Variants in GRID1 observed in about 807,000 individuals in gnomAD.
GRID1 encodes glutamate receptor ionotropic, delta-1.
GRID1 carries 28 observed loss-of-function variants against 98.0 expected under a neutral mutation model. That is an observed-to-expected ratio of 0.29 (90% CI 0.21 to 0.39). GRID1 has a LOEUF of 0.39. Ranked by LOEUF, GRID1 falls within the 10% of genes least tolerant of loss-of-function variation. The pLI is 1.00. For synonymous variants in GRID1, 553 were observed against 538.5 expected (o/e 1.03, Z -0.37); for missense variants, 1,111 against 1,340.5 (o/e 0.83, Z 2.67).
chr10:85,683,653 T>C (rs1383159549), intron 12 of GRID1, among the ~76,000 whole-genome samples: 1 of 152,218 alleles, frequency 6.6e-6, no homozygotes, highest in Non-Finnish European at 1.5e-5. Context: ...ATTGAAGAAC[T>C]CTGGTAAAAT....
chr10:86,341,190 T>C (rs1848304929), intron 2 of GRID1, among the ~76,000 whole-genome samples: 2 of 152,204 alleles, frequency 1.3e-5, no homozygotes, highest in African/African-American at 4.8e-5. Flanking sequence ...CTCCAGGGAC[T>C]GTCCCTGATC....
At chr10:85,788,283 G>C (rs934068037) in intron 8 of GRID1, among the ~76,000 whole-genome samples, 1 of 152,122 alleles carries the variant, frequency 6.6e-6, no homozygotes, top group Admixed American at 6.5e-5. Flanking sequence ...GGGAGGCGCA[G>C]TGAGCCTGGC....
In GRID1 at chr10:86,171,521, G is replaced by A. The variant is rs189521254; in HGVS notation, c.521-32497C>T. Among the ~76,000 whole-genome samples, 437 of 152,348 alleles carry A rather than the reference G, an allele frequency of 2.9e-3. 1 individual carries two copies. Among genetic ancestry groups the A allele is most frequent in the African/African-American group, 9.9e-3 (410 of 41,578 alleles). On this transcript the variant is annotated intron_variant, in intron 3 of 15. Transcript: ENST00000327946. ...CTCTATTAACCGAGGTGGGGACCCAGAGGGTGAAGATGTCAGCAGGGCTCA... is the reference window on the plus strand; with the variant it reads ...CTCTATTAACCGAGGTGGGGACCCAAAGGGTGAAGATGTCAGCAGGGCTCA...
chr10:85,949,905 G>GGGATGGAT (rs35077466), intron 4 of GRID1, among the ~76,000 whole-genome samples: 6,141 of 149,824 alleles, frequency 0.041, 283 homozygotes, highest in African/African-American at 0.11. Context: ...GAGAACTATA[G>GGGATGGAT]GGATGGATGG....
intron 4 of GRID1, among the ~76,000 whole-genome samples, chr10:85,923,198 G>A (rs1352989193): frequency 1.3e-5 from 2 of 151,968 alleles, no homozygotes; most frequent in African/African-American, 4.8e-5. Context: ...GAAGTCCAAG[G>A]CCCCCACCCT....
At chr10:86,099,371 TAC>T (rs1038409263) in intron 4 of GRID1, among the ~76,000 whole-genome samples, 2 of 152,090 alleles carry the variant, frequency 1.3e-5, no homozygotes, top group African/African-American at 4.8e-5. Context: ...GCACTGGAAA[TAC>T]AGAGACCAGT....
rs925445678 is a variant in GRID1, at chr10:85,601,885, C to T, written c.*388G>A. On this transcript the variant is annotated 3_prime_UTR_variant, in exon 16 of 16. Transcript: ENST00000327946. ...AAGGCAGCGAGTGGCATGTGGGGTTCCTCGTCTTCCCTTCTCCCCCAGCAG... is the reference window on the plus strand; with the variant it reads ...AAGGCAGCGAGTGGCATGTGGGGTTTCTCGTCTTCCCTTCTCCCCCAGCAG... The T allele has an allele frequency of 5.6e-6, 1 of 179,854 alleles. No individual in the cohort carries two copies. The highest frequency in any genetic ancestry group is 2.4e-5 in the African/African-American group (1 of 42,510). 11.1% of individuals were successfully genotyped at this position (179,854 alleles called of 1,614,324 possible).
chr10:86,101,788 G>T lies in GRID1; in HGVS notation c.726+37031C>A, dbSNP rs143500594. On this transcript the variant is annotated intron_variant, in intron 4 of 15. Coordinates refer to ENST00000327946, the MANE Select transcript of GRID1 (RefSeq NM_017551.3). ...CTGAGTGGCTGGGACTACATGGCAT[G>T]CACTATGCCTGGCTTGGCTAATTTT... Among the ~76,000 whole-genome samples the T allele has an allele frequency of 2.4e-3, 360 of 152,152 alleles. 1 individual carries two copies. Among genetic ancestry groups the T allele is most frequent in the African/African-American group, 8.4e-3 (348 of 41,508 alleles).
At chr10:85,862,354 G>A (rs1399478028) in intron 6 of GRID1, among the ~76,000 whole-genome samples, 1 of 152,154 alleles carries the variant, frequency 6.6e-6, no homozygotes, top group African/African-American at 2.4e-5. Flanking sequence ...AGATGTCAAG[G>A]CATTTGCAAA....
intron 3 of GRID1, among the ~76,000 whole-genome samples, chr10:86,151,081 C>T (rs909932699): frequency 6.6e-6 from 1 of 152,152 alleles, no homozygotes; most frequent in Non-Finnish European, 1.5e-5. Flanking sequence ...CCATGACACC[C>T]TCATGTCTTG....
chr10:86,003,634 C>G (rs966928286), intron 4 of GRID1, among the ~76,000 whole-genome samples: 16 of 152,260 alleles, frequency 1.1e-4, no homozygotes, highest in African/African-American at 3.8e-4. Flanking sequence ...AGGAGGCTGC[C>G]ATCAGCAGAC....
At chr10:85,865,916 T>TATATATATATATAC (rs1843211199) in intron 6 of GRID1, among the ~76,000 whole-genome samples, 1 of 83,022 alleles carries the variant, frequency 1.2e-5, no homozygotes, top group East Asian at 3.4e-4. Context: ...TATATACATA[T>TATATATATATATAC]ATATATATAT....
At chr10:85,668,750 A>T (rs1841052117) in intron 12 of GRID1, among the ~76,000 whole-genome samples, 1 of 152,222 alleles carries the variant, frequency 6.6e-6, no homozygotes, top group Non-Finnish European at 1.5e-5. Context: ...TTAAAGGAAG[A>T]ATTTATCTCA....
intron 4 of GRID1, among the ~76,000 whole-genome samples, chr10:85,997,929 C>G (rs1413533177): frequency 6.6e-6 from 1 of 152,072 alleles, no homozygotes; most frequent in Non-Finnish European, 1.5e-5. Flanking sequence ...AAATTAACAT[C>G]AGACAAATGA....
intron 8 of GRID1, among the ~76,000 whole-genome samples, chr10:85,772,127 A>T (rs1340497985): frequency 3.9e-5 from 6 of 152,218 alleles, no homozygotes; most frequent in African/African-American, 1.4e-4. Flanking sequence ...ACTGTCTCTC[A>T]GACCACAGTG....
At chr10:85,631,922 T>C (rs963167944) in intron 13 of GRID1, among the ~76,000 whole-genome samples, 4 of 152,006 alleles carry the variant, frequency 2.6e-5, no homozygotes, top group Non-Finnish European at 4.4e-5. Context: ...TGTGGTCAAA[T>C]AGCCCATAAA....
intron 2 of GRID1, among the ~76,000 whole-genome samples, chr10:86,290,299 T>C (rs1847494392): frequency 6.6e-6 from 1 of 152,186 alleles, no homozygotes; most frequent in African/African-American, 2.4e-5. Flanking sequence ...AGTGCCTCAT[T>C]CTGGCTGAGA....
intron 2 of GRID1, among the ~76,000 whole-genome samples, chr10:86,246,647 C>T (rs537818240): frequency 2.5e-4 from 38 of 152,330 alleles, no homozygotes; most frequent in Middle Eastern, 3.4e-3. Context: ...CACCCTCCAC[C>T]GCCCAGAACC....
At chr10:86,086,010 C>T (rs1420282596) in intron 4 of GRID1, among the ~76,000 whole-genome samples, 1 of 152,124 alleles carries the variant, frequency 6.6e-6, no homozygotes, top group East Asian at 1.9e-4. Flanking sequence ...CTCTTTGGAG[C>T]CTCTAGTCCT....
Sources: allele counts gnomAD v4.1 joint callset (sites outside exome capture counted in the v4.1 genomes callset), GRCh38; gene constraint gnomAD v4.1.1; transcripts MANE v1.5; gene names NCBI Gene and HGNC (gene_info 2026-07-23, HGNC 2026-07-21).